CNTN3: variants seen among roughly 807,000 people sequenced by gnomAD.
CNTN3 encodes the protein contactin 3.
A neutral mutation model predicts 119.1 loss-of-function variants in CNTN3; 60 were observed. That is an observed-to-expected ratio of 0.50 (90% CI 0.41 to 0.62). CNTN3 has a LOEUF of 0.62. Ranked by LOEUF, CNTN3 falls within the 20% of genes least tolerant of loss-of-function variation. CNTN3 has a pLI of 0.00. For synonymous variants in CNTN3, 450 were observed against 438.7 expected (o/e 1.03, Z -0.32); for missense variants, 1,101 against 1,242.4 (o/e 0.89, Z 1.71).
chr3:74,444,636 C>G (rs922254616), intron 4 of CNTN3, among the ~76,000 whole-genome samples: 11 of 152,024 alleles, frequency 7.2e-5, no homozygotes, highest in African/African-American at 2.7e-4. Flanking sequence ...CTTTCCCTAC[C>G]CAAACTGGTA....
chr3:74,454,112 G>C (rs368961932), intron 4 of CNTN3, among the ~76,000 whole-genome samples: 31,598 of 118,648 alleles, frequency 0.27, 4,367 homozygotes, highest in Non-Finnish European at 0.3. Context: ...ACAGTGGGGT[G>C]TTAAAGTCTC....
intron 4 of CNTN3, among the ~76,000 whole-genome samples, chr3:74,450,912 A>C (rs1702141502): frequency 6.6e-6 from 1 of 151,944 alleles, no homozygotes; most frequent in South Asian, 2.1e-4. Flanking sequence ...CCAGTCTATC[A>C]TTGTTGGACA....
Position 74,464,670 on chromosome 3 carries a change from G to A in CNTN3, c.358+21786C>T, listed in dbSNP as rs1187379489. Among the ~76,000 whole-genome samples, 5 of 152,206 alleles carry A rather than the reference G, an allele frequency of 3.3e-5. No homozygotes were observed. The East Asian group carries it at 9.7e-4, about 29-fold the overall frequency. On this transcript the variant is annotated intron_variant, in intron 4 of 22. Coordinates refer to ENST00000263665, the MANE Select transcript of CNTN3 (RefSeq NM_020872.3). Reference sequence around the variant, plus strand: ...CCATATTATATAGTTATGAGTTTGTGGCATAATATTTTAAAAATCTGTAGC... The same window carrying A: ...CCATATTATATAGTTATGAGTTTGTAGCATAATATTTTAAAAATCTGTAGC...
At chr3:74,446,247 A>T (rs752142450) in intron 4 of CNTN3, among the ~76,000 whole-genome samples, 1 of 152,200 alleles carries the variant, frequency 6.6e-6, no homozygotes, top group Non-Finnish European at 1.5e-5. Flanking sequence ...AAGAAGCAAC[A>T]ACAAAAATAG....
At chr3:74,594,894 C>A (rs570787492) in intron 1 of CNTN3, among the ~76,000 whole-genome samples, 36 of 152,108 alleles carry the variant, frequency 2.4e-4, no homozygotes, top group African/African-American at 8.4e-4. Flanking sequence ...AATGGTTGAA[C>A]TAGTTTACAG....
chr3:74,531,628 G>C (rs1401624975), intron 1 of CNTN3, among the ~76,000 whole-genome samples: 1 of 151,988 alleles, frequency 6.6e-6, no homozygotes, highest in East Asian at 1.9e-4. Context: ...TGGGCCGAGG[G>C]AGAAGGTTAG....
intron 19 of CNTN3, 23 bp from the exon 20 acceptor site, chr3:74,285,514 C>A: frequency 6.4e-7 from 1 of 1,574,056 alleles, no homozygotes; most frequent in Non-Finnish European, 8.6e-7. Context: ...AGACACCAAA[C>A]ATGTGAAGGC....
At chr3:74,302,879 C>A in intron 13 of CNTN3, 72 bp from the exon 14 acceptor site, 2 of 900,416 alleles carry the variant, frequency 2.2e-6, no homozygotes, top group South Asian at 1.6e-5. Flanking sequence ...AGTCTATGGC[C>A]AAAAACAACA....
intron 13 of CNTN3, among the ~76,000 whole-genome samples, chr3:74,317,761 G>T (rs1702872983): frequency 1.3e-5 from 2 of 152,242 alleles, no homozygotes; most frequent in East Asian, 1.9e-4. Flanking sequence ...CTCTCTGGCT[G>T]CCCTTAACAT....
At chr3:74,530,750 C>T (rs1389665181) in intron 1 of CNTN3, among the ~76,000 whole-genome samples, 1 of 151,846 alleles carries the variant, frequency 6.6e-6, no homozygotes, top group African/African-American at 2.4e-5. Context: ...AGAGACCTCA[C>T]AGAGGAAAGC....
intron 2 of CNTN3, among the ~76,000 whole-genome samples, chr3:74,520,706 T>C: frequency 6.6e-6 from 1 of 151,486 alleles, no homozygotes; most frequent in Non-Finnish European, 1.5e-5. Flanking sequence ...ATTTATATGC[T>C]CCTTTGTATG....
chr3:74,576,272 A>G (rs565409230), intron 1 of CNTN3, among the ~76,000 whole-genome samples: 2 of 152,314 alleles, frequency 1.3e-5, no homozygotes, highest in African/African-American at 4.8e-5. Flanking sequence ...TGCCATACAT[A>G]TATGTGAAAA....
intron 4 of CNTN3, among the ~76,000 whole-genome samples, chr3:74,463,132 C>A (rs187599050): frequency 6.6e-6 from 1 of 152,058 alleles, no homozygotes; most frequent in African/African-American, 2.4e-5. Context: ...GTAATCTAAT[C>A]GTTGGTTCAA....
intron 1 of CNTN3, among the ~76,000 whole-genome samples, chr3:74,556,891 T>C (rs1005841060): frequency 6.6e-6 from 1 of 152,216 alleles, no homozygotes; most frequent in Non-Finnish European, 1.5e-5. Flanking sequence ...TAATGGCTAA[T>C]GAGGTCAACC....
intron 2 of CNTN3, among the ~76,000 whole-genome samples, chr3:74,510,450 C>T (rs78147170): frequency 0.015 from 2,289 of 152,124 alleles, 62 homozygotes; most frequent in East Asian, 0.1. Context: ...ACTAGCTTCA[C>T]GAAAGTACAT....
At chr3:74,273,506 A>G (rs1575690017) in intron 20 of CNTN3, among the ~76,000 whole-genome samples, 2 of 152,318 alleles carry the variant, frequency 1.3e-5, no homozygotes, top group Non-Finnish European at 2.9e-5. Context: ...GGAAGTGGGA[A>G]AGGGAGGTCC....
chr3:74,554,897 C>A (rs770347347), intron 1 of CNTN3, among the ~76,000 whole-genome samples: 2 of 152,148 alleles, frequency 1.3e-5, no homozygotes, highest in South Asian at 2.1e-4. Flanking sequence ...ATCTGAATAC[C>A]CTTTATTGCT....
chr3:74,343,627 G>C (rs1328665211), intron 11 of CNTN3, among the ~76,000 whole-genome samples: 1 of 152,226 alleles, frequency 6.6e-6, no homozygotes, highest in Non-Finnish European at 1.5e-5. Flanking sequence ...GATCTTCCTT[G>C]AGGAATTCTT....
intron 13 of CNTN3, among the ~76,000 whole-genome samples, chr3:74,304,979 C>T (rs895976814): frequency 6.6e-6 from 1 of 152,158 alleles, no homozygotes; most frequent in Non-Finnish European, 1.5e-5. Context: ...CTATCTCTCT[C>T]CCACTCTATG....
Sources: allele counts gnomAD v4.1 joint callset (sites outside exome capture counted in the v4.1 genomes callset), GRCh38; gene constraint gnomAD v4.1.1; transcripts MANE v1.5; gene names NCBI Gene and HGNC (gene_info 2026-07-23, HGNC 2026-07-21).